The following ZSCAN5A variants were observed in gnomAD, a reference collection of about 807,000 sequenced individuals.
ZSCAN5A encodes zinc finger and SCAN domain containing 5A, also known as zinc finger and SCAN domain-containing protein 5A.
In ZSCAN5A, 12 loss-of-function variants were observed where a neutral mutation model predicts 23.7. The ratio of observed to expected loss-of-function variants is 0.51; its 90% CI spans 0.32 to 0.82. The LOEUF is 0.82. Among genes scored for constraint, ZSCAN5A ranks in the 40% least tolerant of loss-of-function variants. The probability of loss-of-function intolerance (pLI) is 0.03; values close to 1 mark genes in which losing one functional copy is unlikely to be tolerated. For missense variants in ZSCAN5A, 597 were observed against 617.9 expected (o/e 0.97, Z 0.36); for synonymous variants, 257 against 239.9 (o/e 1.07, Z -0.66).
chr19:56,228,287 TG>T (rs1256025836), intron 2 of ZSCAN5A: 1 of 985,266 alleles, frequency 1.0e-6, no homozygotes, highest in African/African-American at 1.7e-5. Context: ...CTTCTCGGTC[TG>T]GGATGCGCTC....
At chr19:56,360,332 A>T (rs553994250) in intron 2 of ZSCAN5A, among the ~76,000 whole-genome samples, 2 of 152,346 alleles carry the variant, frequency 1.3e-5, no homozygotes, top group East Asian at 1.9e-4. Flanking sequence ...CAATTGCCAC[A>T]GAGAAAATAA....
chr19:56,322,058 C>T, intron 2 of ZSCAN5A: 1 of 771,762 alleles, frequency 1.3e-6, no homozygotes, highest in Non-Finnish European at 2.4e-6. Context: ...GCATCTAGTG[C>T]ACAGCCACTT....
chr19:56,272,230 GCTTT>G (rs2037901632), intron 2 of ZSCAN5A, among the ~76,000 whole-genome samples: 1 of 152,204 alleles, frequency 6.6e-6, no homozygotes, highest in South Asian at 2.1e-4. Context: ...TTGTTTGCTT[GCTTT>G]GTTGTTTTTC....
At chr19:56,234,572 C>A (rs1435882853) in intron 2 of ZSCAN5A, among the ~76,000 whole-genome samples, 4 of 151,764 alleles carry the variant, frequency 2.6e-5, no homozygotes, top group African/African-American at 9.7e-5. Flanking sequence ...CCTGGGCCTG[C>A]CTGGCCTAAA....
intron 2 of ZSCAN5A, among the ~76,000 whole-genome samples, chr19:56,346,538 A>AG (rs1491472591): frequency 1.2e-4 from 18 of 151,906 alleles, no homozygotes; most frequent in Non-Finnish European, 2.4e-4. Context: ...AAAAAAAAAA[A>AG]GAAAAAAAGA....
chr19:56,244,536 A>C (rs2146656611), intron 2 of ZSCAN5A: 1 of 1,260,064 alleles, frequency 7.9e-7, no homozygotes, highest in East Asian at 2.3e-5. Context: ...AGGGCTTCCA[A>C]GTAGAGGAGA....
intron 2 of ZSCAN5A, among the ~76,000 whole-genome samples, chr19:56,270,520 A>G (rs932363685): frequency 1.3e-5 from 2 of 152,218 alleles, no homozygotes; most frequent in African/African-American, 4.8e-5. Context: ...AAATAATATT[A>G]CATACGTGTA....
At chr19:56,286,657 C>T (rs2147114214) in intron 2 of ZSCAN5A, 1 of 152,318 alleles carries the variant, frequency 6.6e-6, no homozygotes, top group South Asian at 2.1e-4. Flanking sequence ...TGGAAATAAA[C>T]ACTAGCAAGT....
intron 2 of ZSCAN5A, among the ~76,000 whole-genome samples, chr19:56,239,082 A>C (rs569697415): frequency 6.6e-6 from 1 of 152,264 alleles, no homozygotes; most frequent in Non-Finnish European, 1.5e-5. Flanking sequence ...CTTTACTGAC[A>C]TAATCTTATA....
chr19:56,250,321 T>A (rs543756431), intron 2 of ZSCAN5A, among the ~76,000 whole-genome samples: 2 of 152,178 alleles, frequency 1.3e-5, no homozygotes, highest in African/African-American at 4.8e-5. Context: ...TTTAAAAAAT[T>A]TTTCCAGGTA....
intron 2 of ZSCAN5A, among the ~76,000 whole-genome samples, chr19:56,241,486 A>G (rs1477267477): frequency 6.6e-6 from 1 of 152,246 alleles, no homozygotes; most frequent in Non-Finnish European, 1.5e-5. Context: ...ATTGTATACA[A>G]TTGGGCACAG....
chr19:56,223,672 G>A lies in ZSCAN5A; in HGVS notation c.547C>T (p.Leu183=). The change falls in exon 4 of 6, where the codon CTG becomes TTG. Residue 183 remains leucine, a synonymous_variant. Coordinates refer to ENST00000683990, the MANE Select transcript of ZSCAN5A (RefSeq NM_001322064.3). ...RPGEGQAHRE[L]QILPRVPALS... Reference sequence around the variant, plus strand: ...GCAGGGACCCTGGGCAGGATCTGCAGCTCTCGGTGGGCCTGGCCTTCCCCT... The same window carrying A: ...GCAGGGACCCTGGGCAGGATCTGCAACTCTCGGTGGGCCTGGCCTTCCCCT... The A allele has an allele frequency of 1.2e-6, 2 of 1,613,882 alleles. No individual in the cohort carries two copies. Among genetic ancestry groups the A allele is most frequent in the Non-Finnish European group, 1.7e-6 (2 of 1,180,008 alleles).
At chr19:56,226,812 T>C (rs1013761129) in intron 2 of ZSCAN5A, among the ~76,000 whole-genome samples, 2 of 152,194 alleles carry the variant, frequency 1.3e-5, no homozygotes, top group Non-Finnish European at 2.9e-5. Flanking sequence ...TATTGGGTAC[T>C]ATCCTCATAT....
At chr19:56,267,929 G>A (rs2037585840) in intron 2 of ZSCAN5A, among the ~76,000 whole-genome samples, 1 of 152,122 alleles carries the variant, frequency 6.6e-6, no homozygotes, top group Non-Finnish European at 1.5e-5. Context: ...AGAAATCCTT[G>A]TCCTAGTGCA....
chr19:56,297,094 G>A (rs114646403), intron 2 of ZSCAN5A, among the ~76,000 whole-genome samples: 10 of 151,934 alleles, frequency 6.6e-5, no homozygotes, highest in African/African-American at 1.2e-4. Context: ...TTTAAAGGGC[G>A]ATCAGGGAAC....
chr19:56,351,632 A>C lies in ZSCAN5A; in HGVS notation c.-358+11603T>G, dbSNP rs562868184. Reference sequence around the variant, plus strand: ...CTTGCTATTAAACTTTTCACTCCTTAAAACTACTCCACATGTGTCCATGTC... The same window carrying C: ...CTTGCTATTAAACTTTTCACTCCTTCAAACTACTCCACATGTGTCCATGTC... On this transcript the variant is annotated intron_variant, in intron 2 of 6. Transcript: ENST00000587340. The surrounding 1 kb of genome is among the most constrained non-coding windows in gnomAD (Gnocchi z 4.8). Among the ~76,000 whole-genome samples the C allele has an allele frequency of 1.2e-4, 19 of 152,168 alleles. No homozygotes were observed. Among genetic ancestry groups the C allele is most frequent in the African/African-American group, 4.1e-4 (17 of 41,518 alleles).
chr19:56,356,325 G>A (rs1233826293), intron 2 of ZSCAN5A, among the ~76,000 whole-genome samples: 1 of 148,824 alleles, frequency 6.7e-6, no homozygotes, highest in African/African-American at 2.5e-5. Context: ...TGCAGGAAGC[G>A]TACTTACAGA....
intron 2 of ZSCAN5A, among the ~76,000 whole-genome samples, chr19:56,230,627 G>A (rs1179214601): frequency 6.7e-4 from 34 of 50,886 alleles, no homozygotes; most frequent in East Asian, 7.7e-4. Context: ...GTGTGTGTGT[G>A]TGTGTGTGTG....
At chr19:56,237,302 G>A (rs1048338747) in intron 2 of ZSCAN5A, among the ~76,000 whole-genome samples, 2 of 152,060 alleles carry the variant, frequency 1.3e-5, no homozygotes, top group African/African-American at 2.4e-5. Flanking sequence ...CCTTTGCGGC[G>A]GTGCTTTCAG....
Sources: gnomAD v4.1 joint callset for allele counts (sites outside exome capture counted in the v4.1 genomes callset) on GRCh38, gnomAD v4.1.1 for gene constraint, Gnocchi (gnomAD v3.1) non-coding constraint, MANE v1.5 for transcripts, NCBI Gene and HGNC (gene_info 2026-07-23, HGNC 2026-07-21) for gene names.